Variants in THADA observed in about 807,000 individuals in gnomAD.
THADA encodes the protein tRNA (32-2'-O)-methyltransferase regulator THADA.
THADA carries 213 observed loss-of-function variants against 219.8 expected under a neutral mutation model. That is an observed-to-expected ratio of 0.97 (90% confidence interval 0.87 to 1.09). The LOEUF (loss-of-function observed/expected upper bound fraction) is 1.09, where lower values mean the gene tolerates loss of function less well. Ranked by LOEUF, THADA falls within the 50% of genes least tolerant of loss-of-function variation. The pLI, the probability that THADA is intolerant of heterozygous loss-of-function variation, is 0.00. For synonymous variants in THADA, 1,018 were observed against 828.9 expected, an observed-to-expected ratio of 1.23 and a Z score of -3.92; for missense variants, 2,956 against 2,311.3, an observed-to-expected ratio of 1.28 and a Z score of -5.72.
chr2:43,399,558 G>A (rs927261457), intron 28 of THADA, among the ~76,000 whole-genome samples: 2 of 152,078 alleles, frequency 1.3e-5, no homozygotes, highest in Non-Finnish European at 2.9e-5. Context: ...AAAGAAGTAT[G>A]GGGTGTTTAA....
At chr2:43,305,116 G>A (rs1374646669) in intron 31 of THADA, among the ~76,000 whole-genome samples, 2 of 152,178 alleles carry the variant, frequency 1.3e-5, no homozygotes, top group Admixed American at 6.5e-5. Context: ...AATCACAGAT[G>A]ATAATTTGTA....
At position 43,255,377 on chromosome 2, in the gene THADA, T is replaced by A. The variant is rs1670201787; in HGVS notation, c.5297-22495A>T. ...TTTCTGGCAAATCTCCAAACCATAA[T>A]TATTAAGGGACTGGAGCTGCTGAGG... On this transcript the variant is annotated intron_variant, in intron 36 of 37. Coordinates refer to ENST00000405975, the MANE Select transcript of THADA (RefSeq NM_022065.5). 2.6e-5 allele frequency among the ~76,000 whole-genome samples: 4 copies of A among 152,190 alleles called. No homozygotes were observed. In the South Asian group the frequency reaches 8.3e-4, roughly 32 times the overall value.
At chr2:43,470,071 T>A (rs1239897406) in intron 26 of THADA, among the ~76,000 whole-genome samples, 2 of 151,598 alleles carry the variant, frequency 1.3e-5, no homozygotes, top group Admixed American at 1.3e-4. Context: ...ATTAGCCAGG[T>A]GGGGTGGCAC....
At chr2:43,373,360 A>T (rs932566471) in intron 29 of THADA, among the ~76,000 whole-genome samples, 2 of 152,228 alleles carry the variant, frequency 1.3e-5, no homozygotes, top group Non-Finnish European at 2.9e-5. Flanking sequence ...TATTCTCTTG[A>T]TGCAAGTTAT....
In THADA at chr2:43,537,487, T is replaced by C. The variant is rs560521230; in HGVS notation, c.3264+3672A>G. ...ATTGAGTGCAATTCAATGAAATTAT[T>C]TGTAATTTCTAAAAAATAAACTTTG... On this transcript the variant is annotated intron_variant, in intron 21 of 37. Coordinates refer to ENST00000405975, the MANE Select transcript of THADA (RefSeq NM_022065.5). Among the ~76,000 whole-genome samples, 23 of 152,342 alleles carry C rather than the reference T, an allele frequency of 1.5e-4. No individual in the cohort carries two copies. The South Asian group carries it at 3.5e-3, about 23-fold the overall frequency.
intron 21 of THADA, 109 bp from the exon 22 acceptor site, chr2:43,528,097 G>T: frequency 1.6e-6 from 1 of 639,176 alleles, no homozygotes; most frequent in South Asian, 2.0e-5. Flanking sequence ...TTCATTTAGC[G>T]CTTACCATAT....
At position 43,586,855 on chromosome 2, in the gene THADA, C is replaced by A. The variant is rs1334534699; in HGVS notation, c.450G>T (p.Leu150Phe). The part of the protein sequence containing the change: ...NISSCMENFN[L>F]GRASVNNLLK... Reference sequence around the variant, plus strand: ...AGGACTAGAAAAGTGCAGCCTTACCCAAGTTAAAGTTCTCCATACAGGAAG... The same window carrying A: ...AGGACTAGAAAAGTGCAGCCTTACCAAAGTTAAAGTTCTCCATACAGGAAG... Residue 150 changes from leucine (L) to phenylalanine (F), a missense_variant and splice_region_variant, in exon 5 of 38, where the codon TTG becomes TTT. Transcript: ENST00000405975. 8 of 1,613,530 alleles carry A rather than the reference C, an allele frequency of 5.0e-6. No homozygotes were observed. Among genetic ancestry groups the A allele is most frequent in the South Asian group, 1.1e-5 (1 of 90,986 alleles).
rs771146349 is a variant in THADA, at chr2:43,574,761, G to C, written c.1304C>G (p.Pro435Arg). The C allele has an allele frequency of 6.8e-6, 11 of 1,614,002 alleles. No homozygotes were observed. Among genetic ancestry groups the C allele is most frequent in the Non-Finnish European group, 9.3e-6 (11 of 1,179,896 alleles). Residue 435 changes from proline (P) to arginine (R), a missense_variant, in exon 11 of 38, where the codon CCT becomes CGT. By Grantham distance (103) the Pro-to-Arg change is moderately radical. Coordinates refer to ENST00000405975, the MANE Select transcript of THADA (RefSeq NM_022065.5). ...TVEGADFVPD[P>R]FFVELTESLL... ...ACTCTCAGTCAATTCCACAAAGAAAGGATCAGGGACGAAATCTGCACCTTC... is the reference window on the plus strand; with the variant it reads ...ACTCTCAGTCAATTCCACAAAGAAACGATCAGGGACGAAATCTGCACCTTC...
intron 21 of THADA, among the ~76,000 whole-genome samples, chr2:43,535,675 C>CAAAAAAAAA (rs1177702416): frequency 9.9e-5 from 3 of 30,368 alleles, no homozygotes; most frequent in Non-Finnish European, 1.2e-4. Context: ...CAGCGAGACT[C>CAAAAAAAAA]AAAAAAAAAA....
Position 43,247,450 on chromosome 2 carries a change from G to A in THADA, c.5297-14568C>T, listed in dbSNP as rs112443613. On this transcript the variant is annotated intron_variant, in intron 36 of 37. Transcript: ENST00000405975. The stretch of plus-strand genomic sequence containing the variant: ...GAATAAAAATAAAATCACTATTAAA[G>A]GCTGGGCACGGCCGGGTGAGGTGGC... Among the ~76,000 whole-genome samples the A allele has an allele frequency of 5.5e-3, 842 of 152,232 alleles. 5 individuals carry two copies. The highest frequency in any genetic ancestry group is 6.8e-3 in the Admixed American group (104 of 15,290).
At chr2:43,517,334 AT>A (rs1691846906) in intron 22 of THADA, among the ~76,000 whole-genome samples, 1 of 152,212 alleles carries the variant, frequency 6.6e-6, no homozygotes, top group African/African-American at 2.4e-5. Context: ...TCACATTTAA[AT>A]ATGAAGTACA....
chr2:43,534,978 C>T (rs1039803215), intron 21 of THADA, among the ~76,000 whole-genome samples: 1 of 151,970 alleles, frequency 6.6e-6, no homozygotes, highest in Admixed American at 6.6e-5. Context: ...TGTAAGAGTT[C>T]CCTTTTCTCC....
At chr2:43,252,713 C>T (rs570092693) in intron 36 of THADA, among the ~76,000 whole-genome samples, 1 of 152,294 alleles carries the variant, frequency 6.6e-6, no homozygotes, top group African/African-American at 2.4e-5. Flanking sequence ...TTCCTAGTCC[C>T]CAGTGCTCTT....
At position 43,266,627 on chromosome 2, in the gene THADA, T is replaced by C. The variant is rs13402840; in HGVS notation, c.5296+13138A>G. Among the ~76,000 whole-genome samples, 558 of 152,044 alleles carry C rather than the reference T, an allele frequency of 3.7e-3. 5 individuals carry two copies. The highest frequency in any genetic ancestry group is 0.013 in the African/African-American group (532 of 41,484). On this transcript the variant is annotated intron_variant, in intron 36 of 37. Transcript: ENST00000405975. ...CAAAAACAAAAAACAAAAAACAACA[T>C]GATCCACTCTGCTGTGATGGAGGCC...
chr2:43,480,449 A>G (rs1158040365), intron 26 of THADA, among the ~76,000 whole-genome samples: 1 of 152,186 alleles, frequency 6.6e-6, no homozygotes, highest in East Asian at 1.9e-4. Flanking sequence ...AGTAACTAGC[A>G]GAGGGCCTGG....
At chr2:43,455,245 T>C (rs576395626) in intron 26 of THADA, among the ~76,000 whole-genome samples, 1 of 152,208 alleles carries the variant, frequency 6.6e-6, no homozygotes, top group Non-Finnish European at 1.5e-5. Flanking sequence ...TCATATTTTT[T>C]AATTTTCTAA....
intron 36 of THADA, among the ~76,000 whole-genome samples, chr2:43,260,995 C>A (rs748734225): frequency 1.5e-4 from 22 of 150,520 alleles, no homozygotes; most frequent in Non-Finnish European, 2.5e-4. Context: ...TAACTTTTAT[C>A]TAATATTTTG....
At chr2:43,352,549 C>CT (rs1668397173) in intron 29 of THADA, among the ~76,000 whole-genome samples, 1 of 147,890 alleles carries the variant, frequency 6.8e-6, no homozygotes, top group East Asian at 2.0e-4. Flanking sequence ...CAGAGTGAGA[C>CT]TAAAAAAAAA....
At chr2:43,400,482 T>TATATATATATATATATATATACATAC (rs1553427586) in intron 28 of THADA, among the ~76,000 whole-genome samples, 1 of 146,722 alleles carries the variant, frequency 6.8e-6, no homozygotes, top group African/African-American at 2.5e-5. Flanking sequence ...TATATAAATA[T>TATATATATATATATATATATACATAC]ATACACTAAG....
Sources: gnomAD v4.1 joint callset for allele counts (sites outside exome capture counted in the v4.1 genomes callset) on GRCh38, gnomAD v4.1.1 for gene constraint, MANE v1.5 for transcripts, NCBI Gene and HGNC (gene_info 2026-07-23, HGNC 2026-07-21) for gene names.